The following CACNB2 variants were observed in gnomAD, a reference collection of about 807,000 sequenced individuals.
The protein encoded by CACNB2 is calcium voltage-gated channel auxiliary subunit beta 2.
Under a neutral mutation model 73.3 loss-of-function variants are expected in CACNB2, and 42 were observed. The observed-to-expected ratio is 0.57, with a 90% CI of 0.45 to 0.74. The LOEUF is 0.74. Ranked by LOEUF, CACNB2 falls within the 30% of genes least tolerant of loss-of-function variation. The pLI is 0.00. For synonymous variants in CACNB2, 348 were observed against 310.3 expected (o/e 1.12, Z -1.28); for missense variants, 940 against 853.0 (o/e 1.10, Z -1.27).
chr10:18,358,527 T>TCTCTCTCTCTCTCTCTCTCTCTCTCC, intron 2 of CACNB2, among the ~76,000 whole-genome samples: 1 of 35,204 alleles, frequency 2.8e-5, no homozygotes, highest in Non-Finnish European at 7.9e-5. Flanking sequence ...TCTCTCTCTC[T>TCTCTCTCTCTCTCTCTCTCTCTCTCC]CTCTCTCTCT....
At position 18,500,871 on chromosome 10, in the gene CACNB2, C is replaced by A; in HGVS notation, c.516C>A (p.Phe172Leu). Residue 172 changes from phenylalanine to leucine, a missense_variant, in exon 5 of 14, where the codon TTC (phenylalanine) becomes TTA (leucine). By Grantham distance (22) the Phe-to-Leu change is conservative. Transcript: ENST00000324631. Reference protein sequence around the residue: ...RLVKEGCEIGFIPSPVKLENM... With the variant: ...RLVKEGCEIGLIPSPVKLENM... ...TAAAAGAAGGCTGTGAAATCGGATT[C>A]ATTCCAAGCCCAGTCAAACTAGAAA... 6.2e-7 allele frequency: 1 copy of A among 1,613,822 alleles called. No homozygotes were observed. Among genetic ancestry groups the A allele is most frequent in the South Asian group, 1.1e-5 (1 of 91,078 alleles).
intron 9 of CACNB2, among the ~76,000 whole-genome samples, chr10:18,522,614 T>A (rs1589669622): frequency 6.6e-6 from 1 of 152,180 alleles, no homozygotes; most frequent in Non-Finnish European, 1.5e-5. Context: ...GCTTGGTGGC[T>A]CCTGCCTGTA....
chr10:18,492,149 C>G (rs1406197464), intron 3 of CACNB2, among the ~76,000 whole-genome samples: 2 of 151,932 alleles, frequency 1.3e-5, no homozygotes, highest in African/African-American at 4.8e-5. Flanking sequence ...TTTAGACAAC[C>G]AGATCTTATG....
chr10:18,384,256 C>T (rs756250134), intron 2 of CACNB2, among the ~76,000 whole-genome samples: 29 of 152,190 alleles, frequency 1.9e-4, no homozygotes, highest in Middle Eastern at 3.4e-3. Context: ...GAATATTTTT[C>T]ATGATAAAAA....
chr10:18,226,025 CTTTTCT>C (rs998971608), intron 2 of CACNB2, among the ~76,000 whole-genome samples: 69 of 140,196 alleles, frequency 4.9e-4, no homozygotes, highest in African/African-American at 2.1e-3. Flanking sequence ...CTTTTCTTTT[CTTTTCT>C]TTTTTTTTTT....
At chr10:18,346,420 G>A (rs1427002348) in intron 2 of CACNB2, among the ~76,000 whole-genome samples, 1 of 152,106 alleles carries the variant, frequency 6.6e-6, no homozygotes, top group Non-Finnish European at 1.5e-5. Flanking sequence ...TTACGGGCGT[G>A]AGCCACTGCA....
chr10:18,465,887 C>T (rs1387685263), intron 3 of CACNB2, among the ~76,000 whole-genome samples: 2 of 152,124 alleles, frequency 1.3e-5, no homozygotes, highest in Non-Finnish European at 2.9e-5. Context: ...CACCATGTTT[C>T]CCAGGCTGCT....
chr10:18,487,820 C>G (rs904709437), intron 3 of CACNB2, among the ~76,000 whole-genome samples: 1 of 134,884 alleles, frequency 7.4e-6, no homozygotes, highest in Non-Finnish European at 1.6e-5. Flanking sequence ...GCCTGGGCAA[C>G]AGAGCAAGAC....
At chr10:18,338,399 G>C (rs922926111) in intron 2 of CACNB2, among the ~76,000 whole-genome samples, 1 of 152,142 alleles carries the variant, frequency 6.6e-6, no homozygotes, top group African/African-American at 2.4e-5. Context: ...GTGATCAAAA[G>C]GACAAGAGAT....
At position 18,398,190 on chromosome 10, in the gene CACNB2, C is replaced by A. The variant is rs974595305; in HGVS notation, c.214-3734C>A. Among the ~76,000 whole-genome samples the A allele has an allele frequency of 3.3e-5, 5 of 152,210 alleles. No homozygotes were observed. The South Asian group carries it at 1.0e-3, about 32-fold the overall frequency. On this transcript the variant is annotated intron_variant, in intron 2 of 13. Transcript: ENST00000324631. ...TCACTTCTAACTGAATAAATCCACA[C>A]TCCCACAAGAAAGGAGATTAACTGT...
chr10:18,434,559 T>A (rs1458140838), intron 3 of CACNB2, among the ~76,000 whole-genome samples: 1 of 152,188 alleles, frequency 6.6e-6, no homozygotes, highest in Non-Finnish European at 1.5e-5. Flanking sequence ...AAAATTAATA[T>A]GATGATGATT....
At chr10:18,345,877 C>T (rs2041428975) in intron 2 of CACNB2, among the ~76,000 whole-genome samples, 1 of 152,164 alleles carries the variant, frequency 6.6e-6, no homozygotes, top group Non-Finnish European at 1.5e-5. Context: ...TGACAGGGAG[C>T]TAATAACCAT....
intron 2 of CACNB2, among the ~76,000 whole-genome samples, chr10:18,295,863 A>G (rs7912454): frequency 0.15 from 22,553 of 152,122 alleles, 1,983 homozygotes; most frequent in South Asian, 0.21. Context: ...ACGATGAGAC[A>G]TTGACTCATT....
intron 2 of CACNB2, among the ~76,000 whole-genome samples, chr10:18,214,057 G>GA (rs1461302338): frequency 6.6e-6 from 1 of 152,074 alleles, no homozygotes; most frequent in Non-Finnish European, 1.5e-5. Context: ...TCACGTATCT[G>GA]AAAAAAAGAA....
intron 13 of CACNB2, 64 bp from the exon 14 acceptor site, chr10:18,539,166 C>A: frequency 1.2e-6 from 2 of 1,606,736 alleles, no homozygotes; most frequent in East Asian, 4.5e-5. Context: ...AATGCACTTG[C>A]TCTGGGACAT....
intron 2 of CACNB2, among the ~76,000 whole-genome samples, chr10:18,195,299 C>T (rs1307293359): frequency 6.6e-6 from 1 of 152,148 alleles, no homozygotes; most frequent in Non-Finnish European, 1.5e-5. Context: ...GTGCTTCAAA[C>T]GGAAGCGCCC....
At chr10:18,327,018 T>C (rs1219031432) in intron 2 of CACNB2, among the ~76,000 whole-genome samples, 1 of 151,102 alleles carries the variant, frequency 6.6e-6, no homozygotes, top group African/African-American at 2.4e-5. Context: ...CGTGAGTCAC[T>C]GCACCTAGTG....
chr10:18,311,989 T>C (rs954114134), intron 2 of CACNB2, among the ~76,000 whole-genome samples: 3 of 152,328 alleles, frequency 2.0e-5, no homozygotes, highest in South Asian at 4.1e-4. Context: ...CTTCTGGGTA[T>C]GTCAGTATTT....
intron 2 of CACNB2, among the ~76,000 whole-genome samples, chr10:18,254,090 GC>G (rs1376664270): frequency 6.6e-6 from 1 of 152,176 alleles, no homozygotes; most frequent in Non-Finnish European, 1.5e-5. Flanking sequence ...TCCTCAAATG[GC>G]TTTGGTTATG....
Sources: gnomAD v4.1 joint callset for allele counts (sites outside exome capture counted in the v4.1 genomes callset) on GRCh38, gnomAD v4.1.1 for gene constraint, MANE v1.5 for transcripts, NCBI Gene and HGNC (gene_info 2026-07-23, HGNC 2026-07-21) for gene names.